GDPD5: variants seen among roughly 807,000 people sequenced by gnomAD.
GDPD5 encodes glycerophosphodiester phosphodiesterase 2.
GDPD5 carries 48 observed loss-of-function variants against 75.1 expected under a neutral mutation model. The ratio of observed to expected loss-of-function variants is 0.64; its 90% confidence interval spans 0.51 to 0.81. The LOEUF (loss-of-function observed/expected upper bound fraction) is 0.81. Among genes scored for constraint, GDPD5 ranks in the 40% least tolerant of loss-of-function variants. The pLI, the probability that GDPD5 is intolerant of heterozygous loss-of-function variation, is 0.00. For missense variants in GDPD5, 706 were observed against 822.6 expected (o/e 0.86, Z 1.73); for synonymous variants, 336 against 339.0 (o/e 0.99, Z 0.10).
intron 14 of GDPD5, among the ~76,000 whole-genome samples, chr11:75,440,454 G>A (rs1388721028): frequency 6.6e-6 from 1 of 152,206 alleles, no homozygotes; most frequent in East Asian, 1.9e-4. Context: ...CCTGCCTTCT[G>A]CATGCTCAGG....
chr11:75,495,313 T>C (rs757440924), intron 1 of GDPD5, among the ~76,000 whole-genome samples: 74 of 150,642 alleles, frequency 4.9e-4, no homozygotes, highest in African/African-American at 1.7e-3. Flanking sequence ...TAATTTTATA[T>C]ATATATATAA....
intron 1 of GDPD5, among the ~76,000 whole-genome samples, chr11:75,520,316 C>T (rs1254614183): frequency 6.6e-6 from 1 of 152,196 alleles, no homozygotes; most frequent in Non-Finnish European, 1.5e-5. Context: ...ACAGGCACCC[C>T]ACTTCCTTCA....
chr11:75,493,494 C>T (rs1047339280), intron 1 of GDPD5, among the ~76,000 whole-genome samples: 2 of 151,842 alleles, frequency 1.3e-5, no homozygotes, highest in African/African-American at 2.4e-5. Context: ...TTTGAACTCC[C>T]GGACTCAAGC....
intron 3 of GDPD5, among the ~76,000 whole-genome samples, chr11:75,471,203 G>A (rs995449361): frequency 2.0e-5 from 3 of 152,228 alleles, no homozygotes; most frequent in Admixed American, 2.0e-4. Flanking sequence ...TGGAAAGGGT[G>A]CAGGGAGCTC....
intron 1 of GDPD5, among the ~76,000 whole-genome samples, chr11:75,511,094 G>A (rs1308657677): frequency 1.3e-5 from 2 of 152,206 alleles, no homozygotes; most frequent in Non-Finnish European, 2.9e-5. Flanking sequence ...TCTGTTCCTG[G>A]CACACAGTAG....
At chr11:75,443,703 G>C (rs1051487077) in intron 10 of GDPD5, among the ~76,000 whole-genome samples, 1 of 152,230 alleles carries the variant, frequency 6.6e-6, no homozygotes, top group Non-Finnish European at 1.5e-5. Context: ...GATGAGAACA[G>C]TGCAAATGTA....
At position 75,456,619 on chromosome 11, in the gene GDPD5, A is replaced by G; in HGVS notation, c.375+138T>C. 3 of 756,530 alleles carry G rather than the reference A, an allele frequency of 4.0e-6. No individual in the cohort carries two copies. In the South Asian group the frequency reaches 4.9e-5, roughly 12 times the overall value. The allele number at this position is 756,530 out of a possible 1,614,324, so 46.9% of individuals were successfully genotyped here. ...GTTGTGAGAAAAGTGCTTGGCGCAT[A>G]GTGAGTGCTCAGCCTTAGCTATGAG... On this transcript the variant is annotated intron_variant, in intron 6 of 16. Coordinates refer to ENST00000336898, the MANE Select transcript of GDPD5 (RefSeq NM_030792.8).
intron 1 of GDPD5, among the ~76,000 whole-genome samples, chr11:75,516,939 G>C (rs1420153342): frequency 1.3e-5 from 2 of 152,214 alleles, no homozygotes; most frequent in Non-Finnish European, 2.9e-5. Flanking sequence ...GAATGACCTT[G>C]TATGGCAGGC....
chr11:75,459,158 A>C (rs754654175), intron 4 of GDPD5, among the ~76,000 whole-genome samples: 1 of 152,196 alleles, frequency 6.6e-6, no homozygotes, highest in Non-Finnish European at 1.5e-5. Context: ...GTGGTTTTCC[A>C]CTGAATTAAT....
rs770006144 is a variant in GDPD5 at position 75,435,526 on chromosome 11, A to T, written c.1799T>A (p.Ile600Lys). ...CTTCAGCTAACGCCCACTCCGCTCT[A>T]TGAGGGTCTTGGTGTGGCTGCCACC... is the stretch of plus-strand genomic sequence containing the variant. The part of the protein sequence containing the change: ...RGGGSHTKTL[I>K]ERSGR The change falls in exon 17 of 17, where the codon ATA becomes AAA. Residue 600 changes from isoleucine to lysine, a missense_variant. Physicochemically the swap from Ile to Lys is moderately radical, Grantham distance 102. Transcript: ENST00000336898. 5.6e-6 allele frequency: 9 copies of T among 1,611,030 alleles called. No homozygotes were observed. In the South Asian group the frequency reaches 9.9e-5, roughly 18 times the overall value.
At chr11:75,459,334 A>T (rs865990727) in intron 4 of GDPD5, among the ~76,000 whole-genome samples, 2 of 140,022 alleles carry the variant, frequency 1.4e-5, no homozygotes, top group African/African-American at 5.2e-5. Context: ...AAGAGAATGA[A>T]TTTTTTTTTT....
At chr11:75,485,151 G>A (rs932689673) in intron 2 of GDPD5, among the ~76,000 whole-genome samples, 10 of 152,322 alleles carry the variant, frequency 6.6e-5, no homozygotes, top group Admixed American at 2.6e-4. Context: ...AAACTATGGA[G>A]GTAGTAAAGA....
At chr11:75,519,966 C>T (rs1448498200) in intron 1 of GDPD5, among the ~76,000 whole-genome samples, 2 of 152,242 alleles carry the variant, frequency 1.3e-5, no homozygotes, top group African/African-American at 4.8e-5. Flanking sequence ...CTTCTCCCAC[C>T]TGGGTCATTT....
intron 2 of GDPD5, among the ~76,000 whole-genome samples, chr11:75,488,545 G>A (rs768474522): frequency 1.3e-5 from 2 of 152,048 alleles, no homozygotes; most frequent in African/African-American, 4.8e-5. Context: ...ACCCCTCCTT[G>A]TACCACTGTG....
rs71036053 is a variant in GDPD5, at chr11:75,458,673, A to AAAATAAATAAATAAATAAAT, written c.222-907_222-888dup. On this transcript the variant is annotated intron_variant, in intron 4 of 16. Transcript: ENST00000336898. ...GGCGACAGTGTGAGACTCTGTCTCA[A>AAAATAAATAAATAAATAAAT]AAATAAATAAATAAATAAATAAATA... Among the ~76,000 whole-genome samples the AAAATAAATAAATAAATAAAT allele has an allele frequency of 4.9e-3, 717 of 147,406 alleles. 2 individuals carry two copies. Among genetic ancestry groups the AAAATAAATAAATAAATAAAT allele is most frequent in the East Asian group, 0.029 (142 of 4,960 alleles).
rs1002323781 is a variant in GDPD5 at position 75,440,097 on chromosome 11, G to A, written c.1474-136C>T. On this transcript the variant is annotated intron_variant, in intron 14 of 16. Transcript: ENST00000336898. ...AGGGAGGACCCTGAGAGGGTCTGGG[G>A]GCTGAAGATGACATTTTGCAGGTGT... 1.7e-5 allele frequency: 11 copies of A among 639,312 alleles called. No homozygotes were observed. The South Asian group carries it at 2.2e-4, about 13-fold the overall frequency. The allele number at this position is 639,312 out of a possible 1,614,324, so 39.6% of individuals were successfully genotyped here.
intron 1 of GDPD5, among the ~76,000 whole-genome samples, chr11:75,495,285 T>A (rs368037552): frequency 9.7e-6 from 1 of 103,568 alleles, no homozygotes; most frequent in African/African-American, 3.2e-5. Context: ...ACACACACAC[T>A]ATATATAAGT....
rs542738751 is a variant in GDPD5, at chr11:75,458,487, A to G, written c.222-701T>C. ...GGAGATCGAGACCATCCTGGCTAAC[A>G]TGGTGAAACCCCATCTCTACTAAAA... On this transcript the variant is annotated intron_variant, in intron 4 of 16. Coordinates refer to ENST00000336898, the MANE Select transcript of GDPD5 (RefSeq NM_030792.8). 1.8e-4 allele frequency among the ~76,000 whole-genome samples: 28 copies of G among 152,220 alleles called. No homozygotes were observed. In the South Asian group the frequency reaches 4.6e-3, roughly 25 times the overall value.
In GDPD5 at chr11:75,462,850, C is replaced by T. The variant is rs754344089; in HGVS notation, c.157G>A (p.Gly53Ser). Residue 53 changes from glycine (G) to serine (S), a missense_variant, in exon 4 of 17, where the codon GGC becomes AGC. Transcript: ENST00000336898. ...LWFLLLTFTFGLTLTWLYFWW... is the reference protein window; with the variant it reads ...LWFLLLTFTFSLTLTWLYFWW... ...AAGTAAAGCCAGGTGAGCGTGAGGC[C>T]AAAGGTGAAGGTGAGGAGCAGGAAC... 1.2e-6 allele frequency: 2 copies of T among 1,614,072 alleles called. No homozygotes were observed. The highest frequency in any genetic ancestry group is 1.7e-5 in the Admixed American group (1 of 60,010).
Sources: gnomAD v4.1 joint callset for allele counts (sites outside exome capture counted in the v4.1 genomes callset) on GRCh38, gnomAD v4.1.1 for gene constraint, MANE v1.5 for transcripts, NCBI Gene and HGNC (gene_info 2026-07-23, HGNC 2026-07-21) for gene names.